Variants in ANAPC4 observed in about 807,000 individuals in gnomAD.
ANAPC4 encodes the protein anaphase-promoting complex subunit 4.
ANAPC4 carries 63 observed loss-of-function variants against 119.8 expected under a neutral mutation model. The observed-to-expected ratio is 0.53, with a 90% CI of 0.43 to 0.65. The LOEUF (loss-of-function observed/expected upper bound fraction) is 0.65, where lower values mean the gene tolerates loss of function less well. Among genes scored for constraint, ANAPC4 ranks in the 30% least tolerant of loss-of-function variants. The pLI is 0.00. For missense variants in ANAPC4, 716 were observed against 945.1 expected, an observed-to-expected ratio of 0.76 and a Z score of 3.18; for synonymous variants, 283 against 318.6, an observed-to-expected ratio of 0.89 and a Z score of 1.19.
At position 25,392,360 on chromosome 4, in the gene ANAPC4, C is replaced by T; in HGVS notation, c.728C>T (p.Ser243Phe). The change falls in exon 10 of 29, where the codon TCT (serine) becomes TTT (phenylalanine). Residue 243 changes from serine to phenylalanine, a missense_variant. Coordinates refer to ENST00000315368, the MANE Select transcript of ANAPC4 (RefSeq NM_013367.3). ...YFQLETNLLY[S>F]FLPEVTRMAR... ...CAGCTTGAAACTAATCTGTTGTACT[C>T]TTTCTTACCTGAAGTAACTCGGATG... The T allele has an allele frequency of 1.9e-6, 3 of 1,613,104 alleles. No individual in the cohort carries two copies. Among genetic ancestry groups the T allele is most frequent in the Non-Finnish European group, 2.5e-6 (3 of 1,179,118 alleles).
At chr4:25,393,694 G>T in intron 10 of ANAPC4, 111 bp from the exon 11 acceptor site, 1 of 576,822 alleles carries the variant, frequency 1.7e-6, no homozygotes, top group South Asian at 2.9e-5. Context: ...AACAGTGATT[G>T]AAAGTAAATT....
At chr4:25,381,838 C>T (rs999232690) in intron 3 of ANAPC4, among the ~76,000 whole-genome samples, 25 of 152,112 alleles carry the variant, frequency 1.6e-4, no homozygotes, top group Non-Finnish European at 8.8e-5. Flanking sequence ...ATCCCAGCTT[C>T]TCAGGAGGCT....
At position 25,377,342 on chromosome 4, in the gene ANAPC4, C is replaced by G. The variant is rs1417094288; in HGVS notation, c.-13C>G. On this transcript the variant is annotated splice_region_variant and 5_prime_UTR_variant, in exon 1 of 29. Transcript: ENST00000315368. The stretch of plus-strand genomic sequence containing the variant: ...GTTAGTCTGCCGGTGGGGACTCTTG[C>G]AGGTACAGGCGCGGTCGGGGCTCCT... The G allele has an allele frequency of 1.3e-6, 2 of 1,554,754 alleles. No homozygotes were observed. Among genetic ancestry groups the G allele is most frequent in the Non-Finnish European group, 1.7e-6 (2 of 1,148,384 alleles).
chr4:25,392,770 A>G lies in ANAPC4; in HGVS notation c.789+349A>G, dbSNP rs144206308. The stretch of plus-strand genomic sequence containing the variant: ...TACCTCCCAATTCTGTAGGTTGGTG[A>G]TTTAGGCTCAGCTTAGCCAAGATGT... On this transcript the variant is annotated intron_variant, in intron 10 of 28. Coordinates refer to ENST00000315368, the MANE Select transcript of ANAPC4 (RefSeq NM_013367.3). Among the ~76,000 whole-genome samples, 517 of 152,308 alleles carry G rather than the reference A, an allele frequency of 3.4e-3. 2 individuals carry two copies. The highest frequency in any genetic ancestry group is 0.012 in the African/African-American group (479 of 41,578).
intron 13 of ANAPC4, 34 bp from the exon 14 acceptor site, chr4:25,394,795 T>C: frequency 6.2e-7 from 1 of 1,603,966 alleles, no homozygotes; most frequent in Non-Finnish European, 8.5e-7. Flanking sequence ...AATATCCTGA[T>C]TGTATGCTAA....
Position 25,407,235 on chromosome 4 carries a change from C to T in ANAPC4, c.1413C>T (p.Asn471=), listed in dbSNP as rs760577488. 13 of 1,608,046 alleles carry T rather than the reference C, an allele frequency of 8.1e-6. No individual in the cohort carries two copies. The highest frequency in any genetic ancestry group is 4.4e-5 in the South Asian group (4 of 90,166). Residue 471 remains asparagine, a synonymous_variant, in exon 20 of 29, where the codon AAC becomes AAT. Coordinates refer to ENST00000315368, the MANE Select transcript of ANAPC4 (RefSeq NM_013367.3). ...DLYNRKGKYF[N]VERVGQYLKD... ...ATAATCGAAAAGGAAAATACTTTAACGTTGAAAGAGTTGGTCAGGTATGGG... is the reference window on the plus strand; with the variant it reads ...ATAATCGAAAAGGAAAATACTTTAATGTTGAAAGAGTTGGTCAGGTATGGG...
At chr4:25,382,223 C>T (rs1269254451) in intron 3 of ANAPC4, among the ~76,000 whole-genome samples, 1 of 152,096 alleles carries the variant, frequency 6.6e-6, no homozygotes, top group East Asian at 1.9e-4. Context: ...TTTACTAAAC[C>T]TGTTGCCCTT....
intron 4 of ANAPC4, among the ~76,000 whole-genome samples, chr4:25,384,926 C>T (rs927998288): frequency 6.6e-6 from 1 of 152,118 alleles, no homozygotes; most frequent in Non-Finnish European, 1.5e-5. Context: ...CTTGGGTGAC[C>T]AGTCATGAAT....
chr4:25,388,244 A>G (rs1182981584), intron 4 of ANAPC4, among the ~76,000 whole-genome samples: 1 of 152,170 alleles, frequency 6.6e-6, no homozygotes, highest in Non-Finnish European at 1.5e-5. Context: ...TGCTAAGAAA[A>G]GTGTTTATTA....
At chr4:25,394,955 C>T (rs376294380) in intron 14 of ANAPC4, 50 bp downstream of exon 14, 93 of 1,380,324 alleles carry the variant, frequency 6.7e-5, no homozygotes, top group African/African-American at 1.8e-4. Context: ...ACATACCTGG[C>T]GTTGGCCTTC....
rs762596842 is a variant in ANAPC4, at chr4:25,383,307, T to C, written c.282T>C (p.Asp94=). The change falls in exon 4 of 29, where the codon GAT becomes GAC. Residue 94 remains aspartate, a synonymous_variant. Coordinates refer to ENST00000315368, the MANE Select transcript of ANAPC4 (RefSeq NM_013367.3). ...LADTKKIVLC[D]VEKPESLHSF... is the part of the protein sequence containing the mutation. The stretch of plus-strand genomic sequence containing the variant: ...ATACCAAGAAAATTGTTTTGTGTGA[T>C]GTAGAAAAACCTGAGAGCTTACACT... 51 of 1,612,734 alleles carry C rather than the reference T, an allele frequency of 3.2e-5. No homozygotes were observed. The highest frequency in any genetic ancestry group is 1.8e-4 in the South Asian group (16 of 90,682).
At chr4:25,416,386 C>G in intron 26 of ANAPC4, 39 bp from the exon 27 acceptor site, 4 of 1,355,348 alleles carry the variant, frequency 3.0e-6, no homozygotes, top group Non-Finnish European at 3.9e-6. Context: ...TCAGTAGTCA[C>G]GATCATCTTT....
intron 7 of ANAPC4, among the ~76,000 whole-genome samples, chr4:25,389,572 C>T (rs1231859924): frequency 6.6e-6 from 1 of 152,224 alleles, no homozygotes; most frequent in Non-Finnish European, 1.5e-5. Context: ...GGATTACAGG[C>T]ATGAGCCACC....
At chr4:25,411,717 G>A (rs1723575949) in intron 21 of ANAPC4, among the ~76,000 whole-genome samples, 1 of 152,168 alleles carries the variant, frequency 6.6e-6, no homozygotes, top group African/African-American at 2.4e-5. Flanking sequence ...CTGGTGTGGA[G>A]ATTAAATAAA....
chr4:25,401,723 C>A (rs189852488), intron 16 of ANAPC4, among the ~76,000 whole-genome samples: 1 of 152,302 alleles, frequency 6.6e-6, no homozygotes, highest in East Asian at 1.9e-4. Flanking sequence ...AATTTAATTT[C>A]TTTTCTATTG....
At chr4:25,401,765 G>A in intron 16 of ANAPC4, among the ~76,000 whole-genome samples, 1 of 152,100 alleles carries the variant, frequency 6.6e-6, no homozygotes, top group East Asian at 1.9e-4. Context: ...TCTAACACAT[G>A]TACCCCTCTC....
At chr4:25,387,303 C>T (rs1722092684) in intron 4 of ANAPC4, among the ~76,000 whole-genome samples, 1 of 152,088 alleles carries the variant, frequency 6.6e-6, no homozygotes, top group African/African-American at 2.4e-5. Context: ...TTACCATTAA[C>T]TTTTCCTTTC....
At chr4:25,399,434 T>C (rs148284273) in intron 16 of ANAPC4, among the ~76,000 whole-genome samples, 1 of 151,460 alleles carries the variant, frequency 6.6e-6, no homozygotes, top group East Asian at 1.9e-4. Context: ...ACATCATGTA[T>C]GTATGTATAT....
rs776473600 is a variant in ANAPC4 at position 25,383,285 on chromosome 4, C to A, written c.260C>A (p.Thr87Asn). 3.7e-6 allele frequency: 6 copies of A among 1,609,170 alleles called. No individual in the cohort carries two copies. Among genetic ancestry groups the A allele is most frequent in the Non-Finnish European group, 5.1e-6 (6 of 1,178,384 alleles). ...GTTTTGGCCTTTGCTCTTGCTGATA[C>A]CAAGAAAATTGTTTTGTGTGATGTA... ...GKLLAFALAD[T>N]KKIVLCDVEK... Residue 87 changes from threonine (T) to asparagine (N), a missense_variant, in exon 4 of 29, where the codon ACC becomes AAC. Transcript: ENST00000315368.
Sources: allele counts gnomAD v4.1 joint callset (sites outside exome capture counted in the v4.1 genomes callset), GRCh38; gene constraint gnomAD v4.1.1; transcripts MANE v1.5; gene names NCBI Gene and HGNC (gene_info 2026-07-23, HGNC 2026-07-21).